HS3ST4: variants seen among roughly 807,000 people sequenced by gnomAD.
HS3ST4 encodes the protein heparan sulfate-glucosamine 3-sulfotransferase 4, also known as heparan sulfate glucosamine 3-O-sulfotransferase 4.
In HS3ST4, 17 loss-of-function variants were observed where a neutral mutation model predicts 29.2. The observed-to-expected ratio is 0.58, with a 90% confidence interval of 0.40 to 0.87. The LOEUF is 0.87. Among genes scored for constraint, HS3ST4 ranks in the 40% least tolerant of loss-of-function variants. The pLI is 0.00. For missense variants in HS3ST4, 627 were observed against 634.5 expected (o/e 0.99, Z 0.13); for synonymous variants, 314 against 285.7 (o/e 1.10, Z -1.00).
chr16:25,896,555 G>C (rs2141671353), intron 1 of HS3ST4, among the ~76,000 whole-genome samples: 1 of 152,220 alleles, frequency 6.6e-6, no homozygotes, highest in East Asian at 1.9e-4. Flanking sequence ...TGGTGGGAAT[G>C]TTAAGTATTT....
At chr16:25,976,568 T>C (rs1345116091) in intron 1 of HS3ST4, among the ~76,000 whole-genome samples, 1 of 151,998 alleles carries the variant, frequency 6.6e-6, no homozygotes, top group Admixed American at 6.6e-5. Context: ...TGTATGGCGG[T>C]GGGGGTTTTA....
Position 25,927,695 on chromosome 16 carries a change from G to GTT in HS3ST4, c.735-207907_735-207906dup, listed in dbSNP as rs77200693. On this transcript the variant is annotated intron_variant, in intron 1 of 1. Coordinates refer to ENST00000331351, the MANE Select transcript of HS3ST4 (RefSeq NM_006040.3). Reference sequence around the variant, plus strand: ...CTCAGCCCCAGCTCGCTGTTTTTCTGTTTTTTTTTTTCCCCGATTTTTCGG... The same window carrying GTT: ...CTCAGCCCCAGCTCGCTGTTTTTCTGTTTTTTTTTTTTTCCCCGATTTTTCGG... 1.4e-4 allele frequency among the ~76,000 whole-genome samples: 21 copies of GTT among 146,266 alleles called. 1 individual carries two copies. The highest frequency in any genetic ancestry group is 5.2e-4 in the African/African-American group (21 of 40,032).
At chr16:26,090,322 A>G (rs1434176662) in intron 1 of HS3ST4, among the ~76,000 whole-genome samples, 2 of 147,120 alleles carry the variant, frequency 1.4e-5, no homozygotes, top group Non-Finnish European at 3.0e-5. Context: ...TGGGATGTTT[A>G]TGATCCTTTC....
intron 1 of HS3ST4, among the ~76,000 whole-genome samples, chr16:25,802,927 A>ATGTGTGTGTG (rs71158967): frequency 3.9e-5 from 4 of 101,952 alleles, no homozygotes; most frequent in African/African-American, 1.4e-4. Context: ...TAAGTTATAT[A>ATGTGTGTGTG]TGTGTGTGTG....
chr16:26,055,249 C>T (rs1254369109), intron 1 of HS3ST4, among the ~76,000 whole-genome samples: 1 of 152,132 alleles, frequency 6.6e-6, no homozygotes, highest in Non-Finnish European at 1.5e-5. Context: ...CAAACCTCAG[C>T]TCTGGCATTG....
chr16:25,781,666 C>T (rs1331881199), intron 1 of HS3ST4, among the ~76,000 whole-genome samples: 5 of 152,188 alleles, frequency 3.3e-5, no homozygotes, highest in African/African-American at 1.2e-4. Flanking sequence ...TTACCCAAGA[C>T]CCCACAGCTG....
At chr16:25,732,450 T>C (rs1966576462) in intron 1 of HS3ST4, among the ~76,000 whole-genome samples, 1 of 152,214 alleles carries the variant, frequency 6.6e-6, no homozygotes, top group Non-Finnish European at 1.5e-5. Flanking sequence ...CACCAAACAA[T>C]AAGAAATGCA....
intron 1 of HS3ST4, among the ~76,000 whole-genome samples, chr16:25,909,045 G>T (rs145449122): frequency 6.6e-6 from 1 of 152,208 alleles, no homozygotes; most frequent in African/African-American, 2.4e-5. Context: ...GCATCATTCT[G>T]CCCTGGTCAG....
At chr16:25,937,399 A>C (rs1968527528) in intron 1 of HS3ST4, among the ~76,000 whole-genome samples, 1 of 152,136 alleles carries the variant, frequency 6.6e-6, no homozygotes, top group Non-Finnish European at 1.5e-5. Flanking sequence ...TTGTTATATC[A>C]CTTGAGCTGA....
At chr16:25,712,248 G>A (rs973928902) in intron 1 of HS3ST4, among the ~76,000 whole-genome samples, 6 of 152,234 alleles carry the variant, frequency 3.9e-5, no homozygotes, top group Middle Eastern at 3.4e-3. Context: ...AAGGCCAGGC[G>A]CGGTGGCTCA....
chr16:26,057,550 C>G (rs1898425046), intron 1 of HS3ST4, among the ~76,000 whole-genome samples: 1 of 152,096 alleles, frequency 6.6e-6, no homozygotes, highest in Admixed American at 6.5e-5. Flanking sequence ...GTCAAGAGAT[C>G]AAGACCATCC....
At chr16:25,869,761 T>A (rs2141658702) in intron 1 of HS3ST4, among the ~76,000 whole-genome samples, 1 of 152,324 alleles carries the variant, frequency 6.6e-6, no homozygotes, top group South Asian at 2.1e-4. Flanking sequence ...AGACACAGAA[T>A]AACTTATCCC....
At chr16:25,724,365 CTT>C (rs111516910) in intron 1 of HS3ST4, among the ~76,000 whole-genome samples, 31,411 of 142,426 alleles carry the variant, frequency 0.22, 3,418 homozygotes, top group South Asian at 0.36. Flanking sequence ...CTCCCCTCAA[CTT>C]TTTTTTTTTT....
intron 1 of HS3ST4, among the ~76,000 whole-genome samples, chr16:25,749,125 T>C (rs1044161844): frequency 6.6e-6 from 1 of 152,210 alleles, no homozygotes; most frequent in Non-Finnish European, 1.5e-5. Context: ...TAAACATTTC[T>C]TAAGTTTAGA....
Position 25,876,315 on chromosome 16 carries a change from A to C in HS3ST4, c.734+183164A>C, listed in dbSNP as rs570757107. Among the ~76,000 whole-genome samples the C allele has an allele frequency of 1.8e-4, 27 of 152,270 alleles. No homozygotes were observed. In the South Asian group the frequency reaches 3.1e-3, roughly 18 times the overall value. Reference sequence around the variant, plus strand: ...AAATAAAATATAACTATTGACTCACATAATGAAGGTCCATGGGTAGGTATG... The same window carrying C: ...AAATAAAATATAACTATTGACTCACCTAATGAAGGTCCATGGGTAGGTATG... On this transcript the variant is annotated intron_variant, in intron 1 of 1. Transcript: ENST00000331351.
intron 1 of HS3ST4, among the ~76,000 whole-genome samples, chr16:26,019,166 C>CA (rs1969387911): frequency 6.6e-6 from 1 of 152,110 alleles, no homozygotes; most frequent in Non-Finnish European, 1.5e-5. Context: ...TCCACCCCCT[C>CA]AATCAATCCC....
chr16:25,940,372 A>G (rs1256483453), intron 1 of HS3ST4, among the ~76,000 whole-genome samples: 1 of 152,184 alleles, frequency 6.6e-6, no homozygotes, highest in East Asian at 1.9e-4. Context: ...GGAGGAGGAA[A>G]GAGAAGGTAC....
chr16:25,859,224 T>C (rs926060576), intron 1 of HS3ST4, among the ~76,000 whole-genome samples: 1 of 152,104 alleles, frequency 6.6e-6, no homozygotes, highest in Non-Finnish European at 1.5e-5. Context: ...AAAATAAAAA[T>C]ACAATGAGCT....
Position 26,096,511 on chromosome 16 carries a change from A to G in HS3ST4, c.735-39101A>G, listed in dbSNP as rs556363194. Among the ~76,000 whole-genome samples, 116 of 152,358 alleles carry G rather than the reference A, an allele frequency of 7.6e-4. 1 individual carries two copies. The highest frequency in any genetic ancestry group is 2.7e-3 in the African/African-American group (111 of 41,580). ...ACAAAAACCACATGATTATCTCAATAGATGCAGAAAAGGCCTTCAACACAA... is the reference window on the plus strand; with the variant it reads ...ACAAAAACCACATGATTATCTCAATGGATGCAGAAAAGGCCTTCAACACAA... On this transcript the variant is annotated intron_variant, in intron 1 of 1. Coordinates refer to ENST00000331351, the MANE Select transcript of HS3ST4 (RefSeq NM_006040.3).
Sources: gnomAD v4.1 joint callset for allele counts (sites outside exome capture counted in the v4.1 genomes callset) on GRCh38, gnomAD v4.1.1 for gene constraint, MANE v1.5 for transcripts, NCBI Gene and HGNC (gene_info 2026-07-23, HGNC 2026-07-21) for gene names.